Variants in ABCC3 observed in about 807,000 individuals in gnomAD.
The protein encoded by ABCC3 is ATP binding cassette subfamily C member 3.
A neutral mutation model predicts 165.3 loss-of-function variants in ABCC3; 121 were observed. The observed-to-expected ratio is 0.73, with a 90% CI of 0.63 to 0.85. ABCC3 has a LOEUF of 0.85. Ranked by LOEUF, ABCC3 falls within the 40% of genes least tolerant of loss-of-function variation. The probability of loss-of-function intolerance (pLI) is 0.00; values close to 1 mark genes in which losing one functional copy is unlikely to be tolerated. For missense variants in ABCC3, 1,869 were observed against 1,964.1 expected (o/e 0.95, Z 0.92); for synonymous variants, 733 against 810.1 (o/e 0.90, Z 1.62).
At chr17:50,678,301 C>A in intron 25 of ABCC3, 82 bp downstream of exon 25, 1 of 1,438,056 alleles carries the variant, frequency 7.0e-7, no homozygotes, top group South Asian at 1.6e-5. Flanking sequence ...CCGAGTGCCC[C>A]TCCCTGCTCA....
At chr17:50,665,359 G>C in intron 11 of ABCC3, 114 bp downstream of exon 11, 1 of 842,036 alleles carries the variant, frequency 1.2e-6, no homozygotes, top group Non-Finnish European at 1.9e-6. Context: ...AGTATGGATG[G>C]CTACTAGCCA....
chr17:50,656,993 G>A (rs2301836), intron 3 of ABCC3, 53 bp from the exon 4 acceptor site: 43,450 of 1,575,190 alleles, frequency 0.028, 1,201 homozygotes, highest in East Asian at 0.13. Context: ...GAGAAATGGA[G>A]GCAGGTCCAG....
chr17:50,681,800 C>A (rs1188766319), intron 26 of ABCC3, among the ~76,000 whole-genome samples: 2 of 152,078 alleles, frequency 1.3e-5, no homozygotes, highest in Non-Finnish European at 2.9e-5. Context: ...AATAAAATGA[C>A]CTCTCCCTTC....
chr17:50,677,615 C>G, intron 23 of ABCC3, 129 bp from the exon 24 acceptor site: 2 of 886,624 alleles, frequency 2.3e-6, no homozygotes, highest in South Asian at 1.6e-5. Flanking sequence ...TGGGGGAAGG[C>G]AGCGATGTCT....
At chr17:50,682,425 TAA>T (rs376272357) in intron 26 of ABCC3, among the ~76,000 whole-genome samples, 2 of 141,300 alleles carry the variant, frequency 1.4e-5, no homozygotes. Flanking sequence ...TAATCAGAGT[TAA>T]AAAAAAAAAA....
chr17:50,672,522 A>G (rs8079432), intron 17 of ABCC3, among the ~76,000 whole-genome samples: 15,100 of 152,202 alleles, frequency 0.099, 833 homozygotes, highest in Middle Eastern at 0.15. Context: ...CCCTCACAGC[A>G]TTGCAGGGAC....
chr17:50,635,174 G>A (rs2054166981), intron 1 of ABCC3, 193 bp downstream of exon 1: 3 of 572,986 alleles, frequency 5.2e-6, no homozygotes, highest in African/African-American at 3.9e-5. Flanking sequence ...GGTCCCACGC[G>A]GTGTCGGGGA....
rs764509598 is a variant in ABCC3, at chr17:50,684,122, TG to T, written c.4113+18del. 79 of 1,611,112 alleles carry T rather than the reference TG, an allele frequency of 4.9e-5. No homozygotes were observed. In the South Asian group the frequency reaches 8.1e-4, roughly 17 times the overall value. On this transcript the variant is annotated intron_variant, in intron 28 of 30. Coordinates refer to ENST00000285238, the MANE Select transcript of ABCC3 (RefSeq NM_003786.4). ...TCATCCCGCAGGTAGGAGCCTGGCA[TG>T]GGCTGGCCACACTCACCAACGGCCC...
At chr17:50,671,203 C>G (rs1967639669) in intron 17 of ABCC3, among the ~76,000 whole-genome samples, 1 of 150,834 alleles carries the variant, frequency 6.6e-6, no homozygotes, top group African/African-American at 2.4e-5. Context: ...TTGCAATGAA[C>G]TGAGATTGAT....
At chr17:50,677,689 G>C in intron 23 of ABCC3, 55 bp from the exon 24 acceptor site, 2 of 1,544,734 alleles carry the variant, frequency 1.3e-6, no homozygotes, top group South Asian at 1.2e-5. Flanking sequence ...GAGACAGGCA[G>C]GACTGAGTTG....
intron 1 of ABCC3, among the ~76,000 whole-genome samples, chr17:50,647,298 C>T (rs1967020128): frequency 6.6e-6 from 1 of 152,208 alleles, no homozygotes; most frequent in African/African-American, 2.4e-5. Flanking sequence ...GACCTATGTC[C>T]CTACAGGTGT....
chr17:50,668,579 C>T (rs917929278), intron 14 of ABCC3, 62 bp downstream of exon 14: 2 of 1,367,258 alleles, frequency 1.5e-6, no homozygotes, highest in Admixed American at 3.7e-5. Context: ...ACCTCTGTTT[C>T]AAGCTTTTCC....
chr17:50,673,328 C>T (rs910002328), intron 18 of ABCC3, 141 bp from the exon 19 acceptor site: 28 of 1,261,372 alleles, frequency 2.2e-5, no homozygotes, highest in Admixed American at 4.5e-5. Flanking sequence ...CAGGCTGTGG[C>T]GAGCACAGGG....
At chr17:50,650,381 A>G (rs1967092763) in intron 1 of ABCC3, among the ~76,000 whole-genome samples, 1 of 152,232 alleles carries the variant, frequency 6.6e-6, no homozygotes, top group Non-Finnish European at 1.5e-5. Context: ...TCCTGGGATT[A>G]CAGGCGTGAG....
intron 25 of ABCC3, among the ~76,000 whole-genome samples, 156 bp downstream of exon 25, chr17:50,678,375 T>A (rs568502528): frequency 1.3e-5 from 2 of 151,286 alleles, no homozygotes; most frequent in African/African-American, 4.9e-5. Context: ...AAGAAAAAAA[T>A]CATTGAGTTG....
chr17:50,652,390 G>A (rs1298141944), intron 1 of ABCC3, among the ~76,000 whole-genome samples: 2 of 104,810 alleles, frequency 1.9e-5, no homozygotes, highest in Non-Finnish European at 4.5e-5. Flanking sequence ...GATTCGTGAA[G>A]GAGCTTTTAA....
chr17:50,661,553 A>C (rs1421997334), intron 8 of ABCC3, among the ~76,000 whole-genome samples: 1 of 152,236 alleles, frequency 6.6e-6, no homozygotes, highest in Non-Finnish European at 1.5e-5. Flanking sequence ...CATCTGTCTC[A>C]GGAATGGCTT....
chr17:50,689,231 C>A (rs1196567190), intron 30 of ABCC3, among the ~76,000 whole-genome samples: 1 of 152,226 alleles, frequency 6.6e-6, no homozygotes, highest in Non-Finnish European at 1.5e-5. Context: ...TGCAGGTGAT[C>A]CTGGGAAATG....
rs370832587 is a variant in ABCC3 at position 50,678,160 on chromosome 17, A to G, written c.3646A>G (p.Ile1216Val). 9 of 1,552,534 alleles carry G rather than the reference A, an allele frequency of 5.8e-6. No homozygotes were observed. In the African/African-American group the frequency reaches 1.1e-4, roughly 19 times the overall value. The change falls in exon 25 of 31, where the codon ATC becomes GTC. Residue 1216 changes from isoleucine to valine, a missense_variant. By Grantham distance (29) the Ile-to-Val change is conservative (BLOSUM62 3). Transcript: ENST00000285238. ...VVLFAALFAV[I>V]GRSSLNPGLV... ...GCTCTTTGCTGCACTATTTGCCGTC[A>G]TCGGGAGGAGCAGCCTGAACCCGGG...
Sources: allele counts gnomAD v4.1 joint callset (sites outside exome capture counted in the v4.1 genomes callset), GRCh38; gene constraint gnomAD v4.1.1; transcripts MANE v1.5; gene names NCBI Gene and HGNC (gene_info 2026-07-23, HGNC 2026-07-21).